The following UGT1A9 variants were observed in gnomAD, a reference collection of about 807,000 sequenced individuals.
UGT1A9 encodes the protein UDP-glucuronosyltransferase 1A9.
In UGT1A9, 35 loss-of-function variants were observed where a neutral mutation model predicts 45.0. That is an observed-to-expected ratio of 0.78 (90% CI 0.59 to 1.03). The LOEUF is 1.03. Among genes scored for constraint, UGT1A9 ranks in the 50% least tolerant of loss-of-function variants. The pLI is 0.00. For missense variants in UGT1A9, 687 were observed against 666.6 expected (o/e 1.03, Z -0.34); for synonymous variants, 278 against 250.6 (o/e 1.11, Z -1.03).
intron 1 of UGT1A9, among the ~76,000 whole-genome samples, chr2:233,698,915 G>A (rs1262646968): frequency 6.6e-6 from 1 of 152,234 alleles, no homozygotes; most frequent in African/African-American, 2.4e-5. Context: ...AAGGAGGGAC[G>A]TGGCCGTCTC....
chr2:233,771,063 C>G (rs913473960), intron 4 of UGT1A9: 3 of 152,106 alleles, frequency 2.0e-5, no homozygotes, highest in Admixed American at 1.3e-4. Flanking sequence ...ATGACCGGCT[C>G]TCACAATAAC....
chr2:233,715,394 A>G (rs1337290732), intron 1 of UGT1A9, among the ~76,000 whole-genome samples: 1 of 152,240 alleles, frequency 6.6e-6, no homozygotes, highest in Non-Finnish European at 1.5e-5. Context: ...TTATCATTAA[A>G]TAATAATCCT....
chr2:233,691,372 G>A, intron 1 of UGT1A9: 5 of 985,552 alleles, frequency 5.1e-6, no homozygotes, highest in Non-Finnish European at 6.0e-6. Flanking sequence ...TTTGCATCCT[G>A]GTTATGTTCC....
chr2:233,704,010 C>A (rs945281801), intron 1 of UGT1A9, among the ~76,000 whole-genome samples: 1 of 152,084 alleles, frequency 6.6e-6, no homozygotes, highest in Non-Finnish European at 1.5e-5. Flanking sequence ...CCCACCTCAG[C>A]CGCCCGAGCA....
chr2:233,726,329 A>T (rs1355018721), intron 1 of UGT1A9, among the ~76,000 whole-genome samples: 1 of 152,172 alleles, frequency 6.6e-6, no homozygotes, highest in Non-Finnish European at 1.5e-5. Flanking sequence ...GAGTTTCAGC[A>T]CCTGTGGTTT....
Position 233,672,482 on chromosome 2 carries a change from G to T in UGT1A9, c.548G>T (p.Cys183Phe), listed in dbSNP as rs746547264. Reference sequence around the variant, plus strand: ...CACTATCTTGAAGAAGGTGCACAGTGCCCTGCTCCTCTTTCCTATGTCCCC... The same window carrying T: ...CACTATCTTGAAGAAGGTGCACAGTTCCCTGCTCCTCTTTCCTATGTCCCC... ...LCHYLEEGAQ[C>F]PAPLSYVPRI... The change falls in exon 1 of 5, where the codon TGC becomes TTC. Residue 183 changes from cysteine (C) to phenylalanine (F), a missense_variant. Transcript: ENST00000354728. 1.2e-6 allele frequency: 2 copies of T among 1,613,912 alleles called. No individual in the cohort carries two copies. Among genetic ancestry groups the T allele is most frequent in the Non-Finnish European group, 1.7e-6 (2 of 1,179,840 alleles).
intron 1 of UGT1A9, among the ~76,000 whole-genome samples, chr2:233,720,005 C>T (rs2076821394): frequency 6.6e-6 from 1 of 152,174 alleles, no homozygotes; most frequent in South Asian, 2.1e-4. Context: ...ACATTCAGAA[C>T]TGATCCATCC....
chr2:233,722,529 T>C lies in UGT1A9; in HGVS notation c.856-44505T>C, dbSNP rs1318549990. ...TAATTGCAGCTTATTTTTGCCTTAA[T>C]GATTTCATCCTAGTTTCTTTTGGTT... On this transcript the variant is annotated intron_variant, in intron 1 of 4. Transcript: ENST00000354728. 2.0e-5 allele frequency among the ~76,000 whole-genome samples: 3 copies of C among 152,366 alleles called. No individual in the cohort carries two copies. In the East Asian group the frequency reaches 5.8e-4, roughly 29 times the overall value.
chr2:233,679,269 A>G (rs1364444069), intron 1 of UGT1A9, among the ~76,000 whole-genome samples: 2 of 152,242 alleles, frequency 1.3e-5, no homozygotes, highest in Non-Finnish European at 2.9e-5. Context: ...CCTTGCTGGC[A>G]ATGCATTTTC....
intron 1 of UGT1A9, among the ~76,000 whole-genome samples, chr2:233,677,374 G>A (rs767926381): frequency 9.2e-5 from 14 of 152,146 alleles, no homozygotes; most frequent in Admixed American, 4.6e-4. Flanking sequence ...ACCAACCCGT[G>A]TGTAGTAGAA....
In UGT1A9 at chr2:233,672,356, C is replaced by G. The variant is rs76167146; in HGVS notation, c.422C>G (p.Ser141Cys). ...KKLVEYLKESSFDAVFLDPFD... is the reference protein window; with the variant it reads ...KKLVEYLKESCFDAVFLDPFD... ...TTAGTAGAATACTTAAAGGAGAGTT[C>G]TTTTGATGCAGTGTTTCTCGATCCT... The change falls in exon 1 of 5, where the codon TCT (serine) becomes TGT (cysteine). Residue 141 changes from serine to cysteine, a missense_variant. Ser to Cys is a moderately radical substitution (Grantham distance 112). Transcript: ENST00000354728. 47 of 1,613,856 alleles carry G rather than the reference C, an allele frequency of 2.9e-5. No individual in the cohort carries two copies. The East Asian group carries it at 4.0e-4, about 14-fold the overall frequency.
intron 2 of UGT1A9, 120 bp from the exon 3 acceptor site, chr2:233,767,729 C>T: frequency 1.3e-6 from 2 of 1,560,058 alleles, no homozygotes; most frequent in Middle Eastern, 1.7e-4. Flanking sequence ...GTTACTGATC[C>T]TCCCACTCTG....
intron 1 of UGT1A9, chr2:233,760,692 G>A (rs541943163): frequency 1.2e-6 from 2 of 1,614,200 alleles, no homozygotes; most frequent in South Asian, 1.1e-5. Flanking sequence ...ACAACAAGGA[G>A]CTCATGGCCT....
intron 1 of UGT1A9, among the ~76,000 whole-genome samples, chr2:233,685,068 G>A (rs143799403): frequency 6.6e-4 from 101 of 152,238 alleles, no homozygotes; most frequent in East Asian, 9.6e-4. Flanking sequence ...CTGCACAGGA[G>A]ATTTTTTTTC....
chr2:233,694,505 T>C (rs2076734533), intron 1 of UGT1A9, among the ~76,000 whole-genome samples: 1 of 152,180 alleles, frequency 6.6e-6, no homozygotes, highest in African/African-American at 2.4e-5. Flanking sequence ...ACAGATGCCC[T>C]CCTGACATGT....
intron 1 of UGT1A9, among the ~76,000 whole-genome samples, chr2:233,731,442 C>T (rs375687165): frequency 6.6e-6 from 1 of 152,134 alleles, no homozygotes; most frequent in Non-Finnish European, 1.5e-5. Flanking sequence ...CCCAGTCCCC[C>T]ACCCCACAAC....
chr2:233,705,482 AATG>A (rs1195612054), intron 1 of UGT1A9, among the ~76,000 whole-genome samples: 1 of 152,198 alleles, frequency 6.6e-6, no homozygotes, highest in Non-Finnish European at 1.5e-5. Context: ...AGGCAAATTT[AATG>A]ATAATAAATA....
intron 1 of UGT1A9, among the ~76,000 whole-genome samples, chr2:233,757,380 C>T (rs980413878): frequency 1.3e-5 from 2 of 151,206 alleles, no homozygotes; most frequent in African/African-American, 4.9e-5. Context: ...CCAGATTCAG[C>T]ACTTACTTGC....
intron 1 of UGT1A9, among the ~76,000 whole-genome samples, chr2:233,757,621 A>T (rs1696682030): frequency 6.7e-6 from 1 of 149,382 alleles, no homozygotes; most frequent in Non-Finnish European, 1.5e-5. Flanking sequence ...GCTAAAAGAT[A>T]CAAGGCAGAA....
Sources: allele counts gnomAD v4.1 joint callset (sites outside exome capture counted in the v4.1 genomes callset), GRCh38; gene constraint gnomAD v4.1.1; transcripts MANE v1.5; gene names NCBI Gene and HGNC (gene_info 2026-07-23, HGNC 2026-07-21).